CLASP1: variants seen among roughly 807,000 people sequenced by gnomAD.
The protein encoded by CLASP1 is CLIP-associating protein 1.
CLASP1 carries 38 observed loss-of-function variants against 192.3 expected under a neutral mutation model. The observed-to-expected ratio is 0.20, with a 90% CI of 0.15 to 0.26. CLASP1 has a LOEUF of 0.26. Among genes scored for constraint, CLASP1 ranks in the 10% least tolerant of loss-of-function variants. The pLI, the probability that CLASP1 is intolerant of heterozygous loss-of-function variation, is 1.00. For synonymous variants in CLASP1, 691 were observed against 712.8 expected, an observed-to-expected ratio of 0.97 and a Z score of 0.49; for missense variants, 1,433 against 1,932.5, an observed-to-expected ratio of 0.74 and a Z score of 4.85.
Position 121,347,031 on chromosome 2 carries a change from T to C in CLASP1, c.4530+7A>G. 6.5e-7 allele frequency: 1 copy of C among 1,540,676 alleles called. No individual in the cohort carries two copies. Among genetic ancestry groups the C allele is most frequent in the Non-Finnish European group, 8.8e-7 (1 of 1,134,828 alleles). ...GTGCGTATCAGCCCAGGTAACACTA[T>C]ACATACCTTGCTCCCTGTGAGCTGT... On this transcript the variant is annotated splice_region_variant and intron_variant, in intron 39 of 39. Transcript: ENST00000263710.
At chr2:121,542,879 A>G (rs6760211) in intron 2 of CLASP1, among the ~76,000 whole-genome samples, 31,881 of 152,106 alleles carry the variant, frequency 0.21, 6,338 homozygotes, top group African/African-American at 0.52. Flanking sequence ...GGCAAGTCAC[A>G]CTAGGAGACA....
At chr2:121,524,904 C>T (rs1418316710) in intron 6 of CLASP1, among the ~76,000 whole-genome samples, 1 of 152,116 alleles carries the variant, frequency 6.6e-6, no homozygotes, top group African/African-American at 2.4e-5. Context: ...GAGACGCCTG[C>T]TGCTGGAACT....
intron 9 of CLASP1, among the ~76,000 whole-genome samples, chr2:121,465,126 C>CTCT (rs1202192193): frequency 1.3e-5 from 2 of 152,182 alleles, no homozygotes; most frequent in African/African-American, 2.4e-5. Flanking sequence ...GGGATGCCCT[C>CTCT]TCTCACCACT....
intron 2 of CLASP1, chr2:121,531,024 A>C (rs561287137): frequency 2.9e-6 from 2 of 699,972 alleles, no homozygotes; most frequent in Non-Finnish European, 5.2e-6. Context: ...ACCTGTTTTC[A>C]TAGACTTATC....
At chr2:121,407,919 G>A in intron 24 of CLASP1, 1 of 720,942 alleles carries the variant, frequency 1.4e-6, no homozygotes. Flanking sequence ...GCACTCTGTA[G>A]TAGAAGGGAA....
intron 2 of CLASP1, among the ~76,000 whole-genome samples, chr2:121,578,042 C>T (rs959941020): frequency 6.6e-6 from 1 of 152,158 alleles, no homozygotes; most frequent in African/African-American, 2.4e-5. Flanking sequence ...AAGCGATCCT[C>T]CCACCCCAAC....
chr2:121,477,623 C>A (rs72969338), intron 8 of CLASP1, among the ~76,000 whole-genome samples: 5,871 of 152,162 alleles, frequency 0.039, 158 homozygotes, highest in East Asian at 0.14. Context: ...CTTTTTTGCA[C>A]GCCAATATTT....
At chr2:121,609,118 T>C (rs2064848723) in intron 1 of CLASP1, among the ~76,000 whole-genome samples, 1 of 152,242 alleles carries the variant, frequency 6.6e-6, no homozygotes, top group African/African-American at 2.4e-5. Flanking sequence ...AATTCTGTTT[T>C]GACTCAAGAG....
rs563381250 is a variant in CLASP1, at chr2:121,383,690, A to G, written c.3375-1366T>C. On this transcript the variant is annotated intron_variant, in intron 32 of 39. Transcript: ENST00000263710. ...CAGACCAGAGCAAGGACCACCATAT[A>G]CTTTTTTTTTTCTTAAAGGAAATGG... 9.9e-5 allele frequency among the ~76,000 whole-genome samples: 15 copies of G among 151,698 alleles called. No homozygotes were observed. The East Asian group carries it at 2.5e-3, about 26-fold the overall frequency.
chr2:121,523,499 C>T lies in CLASP1; in HGVS notation c.546+2346G>A, dbSNP rs1384727705. 3.3e-5 allele frequency among the ~76,000 whole-genome samples: 5 copies of T among 152,284 alleles called. No homozygotes were observed. In the South Asian group the frequency reaches 6.2e-4, roughly 19 times the overall value. On this transcript the variant is annotated intron_variant, in intron 6 of 39. Transcript: ENST00000263710. ...TTAGGGAACTTTTAAGTGAGACCTC[C>T]TCTAGCAGAAAACTTCAGAGAAAAG... is the stretch of plus-strand genomic sequence containing the variant.
intron 6 of CLASP1, among the ~76,000 whole-genome samples, chr2:121,520,241 T>C (rs536289261): frequency 4.6e-5 from 7 of 152,312 alleles, no homozygotes; most frequent in African/African-American, 1.7e-4. Context: ...CACCTTAATG[T>C]GGATGCCAAA....
chr2:121,355,274 A>T (rs778971701), intron 37 of CLASP1, among the ~76,000 whole-genome samples: 1 of 152,060 alleles, frequency 6.6e-6, no homozygotes, highest in Non-Finnish European at 1.5e-5. Context: ...CTACAGGCGC[A>T]CACCACCACG....
chr2:121,340,782 C>A (rs772414744), exon 40 of CLASP1: 9 of 1,070,972 alleles, frequency 8.4e-6, no homozygotes, highest in Admixed American at 2.0e-5. Flanking sequence ...GACTGGGCAG[C>A]CGATGAAGGG....
At chr2:121,464,238 T>C (rs2088893809) in intron 9 of CLASP1, among the ~76,000 whole-genome samples, 1 of 152,086 alleles carries the variant, frequency 6.6e-6, no homozygotes, top group Non-Finnish European at 1.5e-5. Flanking sequence ...CTTAATCCAG[T>C]CTATCATTGT....
intron 6 of CLASP1, among the ~76,000 whole-genome samples, chr2:121,519,620 C>T (rs746517507): frequency 6.6e-6 from 1 of 152,230 alleles, no homozygotes; most frequent in Non-Finnish European, 1.5e-5. Context: ...TTTATGCCAG[C>T]AGTTTGTGAC....
At chr2:121,613,106 T>C (rs948367438) in intron 1 of CLASP1, among the ~76,000 whole-genome samples, 2 of 152,254 alleles carry the variant, frequency 1.3e-5, no homozygotes, top group African/African-American at 2.4e-5. Flanking sequence ...AGATCTACTA[T>C]GAAGGCTACT....
rs143677970 is a variant in CLASP1 at position 121,500,474 on chromosome 2, GAAGAA to G, written c.712+2688_712+2692del. On this transcript the variant is annotated intron_variant, in intron 8 of 39. Transcript: ENST00000263710. ...AGGAGGGAAGGAGGGAAGGAAGGAA[GAAGAA>G]AAGAGAAAAAGAGGAGGAGGAGAAA... Among the ~76,000 whole-genome samples the G allele has an allele frequency of 6.4e-3, 966 of 149,838 alleles. 15 individuals are homozygous for G. The highest frequency in any genetic ancestry group is 0.023 in the African/African-American group (921 of 40,836).
At chr2:121,593,775 C>G (rs1015566435) in intron 2 of CLASP1, among the ~76,000 whole-genome samples, 1 of 151,680 alleles carries the variant, frequency 6.6e-6, no homozygotes, top group Admixed American at 6.6e-5. Flanking sequence ...CTTTGGGAGG[C>G]CGAGGTGGGT....
intron 2 of CLASP1, among the ~76,000 whole-genome samples, chr2:121,546,921 C>T (rs903071310): frequency 1.3e-5 from 2 of 152,168 alleles, no homozygotes; most frequent in Admixed American, 1.3e-4. Context: ...GGTCTCCAAC[C>T]ACCACCTACA....
Sources: gnomAD v4.1 joint callset for allele counts (sites outside exome capture counted in the v4.1 genomes callset) on GRCh38, gnomAD v4.1.1 for gene constraint, MANE v1.5 for transcripts, NCBI Gene and HGNC (gene_info 2026-07-23, HGNC 2026-07-21) for gene names.